The following RBFOX1 variants were observed in gnomAD, a reference collection of about 807,000 sequenced individuals.
RBFOX1 encodes RNA binding protein fox-1 homolog 1.
RBFOX1 carries 8 observed loss-of-function variants against 57.7 expected under a neutral mutation model. The ratio of observed to expected loss-of-function variants is 0.14; its 90% CI spans 0.08 to 0.25. RBFOX1 has a LOEUF of 0.25. Among genes scored for constraint, RBFOX1 ranks in the 10% least tolerant of loss-of-function variants. The probability of loss-of-function intolerance (pLI) is 1.00; values close to 1 mark genes in which losing one functional copy is unlikely to be tolerated. For missense variants in RBFOX1, 611 were observed against 548.5 expected (o/e 1.11, Z -1.14); for synonymous variants, 326 against 222.4 (o/e 1.47, Z -4.15).
intron 4 of RBFOX1, among the ~76,000 whole-genome samples, chr16:7,445,737 T>A (rs2098802879): frequency 6.6e-6 from 1 of 152,210 alleles, no homozygotes; most frequent in Non-Finnish European, 1.5e-5. Context: ...TTGTTTTTGT[T>A]TTGTCTTTTC....
intron 4 of RBFOX1, among the ~76,000 whole-genome samples, chr16:6,006,274 G>T (rs2094926635): frequency 6.6e-6 from 1 of 152,120 alleles, no homozygotes; most frequent in Admixed American, 6.5e-5. Flanking sequence ...TGGTCAGAGG[G>T]CTGCATCCAC....
chr16:5,783,407 A>G (rs966804269), intron 3 of RBFOX1, among the ~76,000 whole-genome samples: 2 of 152,186 alleles, frequency 1.3e-5, no homozygotes, highest in African/African-American at 4.8e-5. Context: ...AAATTTATGT[A>G]TGAGGGTTAT....
At chr16:7,191,106 A>T (rs2085271256) in intron 4 of RBFOX1, among the ~76,000 whole-genome samples, 1 of 152,076 alleles carries the variant, frequency 6.6e-6, no homozygotes, top group South Asian at 2.1e-4. Context: ...GTGATTCCTA[A>T]CCCAGAGGAA....
chr16:5,822,804 C>G (rs924746355), intron 3 of RBFOX1, among the ~76,000 whole-genome samples: 1 of 152,194 alleles, frequency 6.6e-6, no homozygotes, highest in Non-Finnish European at 1.5e-5. Context: ...ACTTTGGAAC[C>G]TAGCTGCCCA....
At chr16:5,569,438 CTTTTTTTTT>C (rs796279138) in intron 2 of RBFOX1, among the ~76,000 whole-genome samples, 3 of 49,208 alleles carry the variant, frequency 6.1e-5, no homozygotes, top group Non-Finnish European at 8.0e-5. Context: ...AAGAAGTAAC[CTTTTTTTTT>C]TTTTTTTTTT....
chr16:7,393,633 A>G (rs142975143), intron 4 of RBFOX1, among the ~76,000 whole-genome samples: 167 of 152,236 alleles, frequency 1.1e-3, no homozygotes, highest in African/African-American at 3.7e-3. Flanking sequence ...GGGGAAACAT[A>G]GCCTCAGCCT....
intron 3 of RBFOX1, among the ~76,000 whole-genome samples, chr16:6,725,154 C>T (rs1201650217): frequency 6.7e-6 from 1 of 149,148 alleles, no homozygotes; most frequent in African/African-American, 2.5e-5. Flanking sequence ...GGGTTCACGC[C>T]ATTCTCCTGC....
chr16:7,267,677 A>C (rs1603462112), intron 4 of RBFOX1, among the ~76,000 whole-genome samples: 1 of 152,154 alleles, frequency 6.6e-6, no homozygotes, highest in Non-Finnish European at 1.5e-5. Context: ...CAACATGGCA[A>C]AACCCCATCT....
At chr16:5,587,323 G>A (rs2046865540) in intron 2 of RBFOX1, among the ~76,000 whole-genome samples, 2 of 152,210 alleles carry the variant, frequency 1.3e-5, no homozygotes, top group South Asian at 4.1e-4. Flanking sequence ...GTAATCACAT[G>A]AAAAGATGCT....
chr16:7,091,555 C>G (rs948839867), intron 4 of RBFOX1, among the ~76,000 whole-genome samples: 2 of 152,104 alleles, frequency 1.3e-5, no homozygotes, highest in Admixed American at 6.5e-5. Context: ...AACGAAAATG[C>G]ATCATTTTTT....
chr16:5,680,587 A>G (rs935374680), intron 3 of RBFOX1, among the ~76,000 whole-genome samples: 2 of 152,214 alleles, frequency 1.3e-5, no homozygotes, highest in East Asian at 1.9e-4. Flanking sequence ...TGTTGGAGGC[A>G]TGGATTTAGC....
In RBFOX1 at chr16:6,142,732, C is replaced by A. The variant is rs111769945; in HGVS notation, c.-127+122740C>A. ...CTCTAATCTCTGGCTTCATCTAGACCAAATTACTGCCTTCTCCTAAATTGT... is the reference window on the plus strand; with the variant it reads ...CTCTAATCTCTGGCTTCATCTAGACAAAATTACTGCCTTCTCCTAAATTGT... On this transcript the variant is annotated intron_variant, in intron 1 of 15. Coordinates refer to ENST00000550418, the MANE Select transcript of RBFOX1 (RefSeq NM_018723.4). Among the ~76,000 whole-genome samples, 72 of 152,262 alleles carry A rather than the reference C, an allele frequency of 4.7e-4. 1 individual carries two copies. Among genetic ancestry groups the A allele is most frequent in the African/African-American group, 1.6e-3 (68 of 41,544 alleles).
chr16:7,324,396 A>G (rs1473368240), intron 4 of RBFOX1, among the ~76,000 whole-genome samples: 1 of 152,080 alleles, frequency 6.6e-6, no homozygotes, highest in African/African-American at 2.4e-5. Flanking sequence ...AAGGCAGAAG[A>G]TGTAGAGAGT....
rs534894840 is a variant in RBFOX1 at position 7,584,567 on chromosome 16, A to G, written c.415-2680A>G. 3.3e-5 allele frequency among the ~76,000 whole-genome samples: 5 copies of G among 152,320 alleles called. No individual in the cohort carries two copies. In the South Asian group the frequency reaches 6.2e-4, roughly 19 times the overall value. On this transcript the variant is annotated intron_variant, in intron 6 of 15. Coordinates refer to ENST00000550418, the MANE Select transcript of RBFOX1 (RefSeq NM_018723.4). ...CAGCCTCCCACAGTGCTGGGATTAC[A>G]GGCATGAGCCACCATGCCTGGCCTG...
At position 6,162,858 on chromosome 16, in the gene RBFOX1, C is replaced by T. The variant is rs113781052; in HGVS notation, c.-127+142866C>T. 3.8e-3 allele frequency among the ~76,000 whole-genome samples: 571 copies of T among 152,200 alleles called. 3 individuals carry two copies. Among genetic ancestry groups the T allele is most frequent in the Middle Eastern group, 0.017 (5 of 294 alleles). On this transcript the variant is annotated intron_variant, in intron 1 of 15. Transcript: ENST00000550418. ...AAGCAATTCTCCTGCTTCACCCAACCGAGTAGCTGGGACTACAGGCGTGCA... is the reference window on the plus strand; with the variant it reads ...AAGCAATTCTCCTGCTTCACCCAACTGAGTAGCTGGGACTACAGGCGTGCA...
intron 2 of RBFOX1, among the ~76,000 whole-genome samples, chr16:6,550,587 A>C (rs2096972308): frequency 6.6e-6 from 1 of 152,160 alleles, no homozygotes; most frequent in African/African-American, 2.4e-5. Flanking sequence ...CAGCCTCCCA[A>C]AGTGCTGGGA....
rs1156762990 is a variant in RBFOX1, at chr16:6,654,623, T to C, written c.-43T>C. 6.6e-7 allele frequency: 1 copy of C among 1,512,628 alleles called. No homozygotes were observed. Among genetic ancestry groups the C allele is most frequent in the East Asian group, 2.5e-5 (1 of 39,710 alleles). The allele number at this position is 1,512,628 out of a possible 1,614,324, so 93.7% of individuals were successfully genotyped here. On this transcript the variant is annotated 5_prime_UTR_variant, in exon 3 of 16. Transcript: ENST00000550418. Reference sequence around the variant, plus strand: ...CTCAGGATATCAAAGCAGACTGCAATACCTGCGTGGAAATAGAAGACAGAA... The same window carrying C: ...CTCAGGATATCAAAGCAGACTGCAACACCTGCGTGGAAATAGAAGACAGAA...
At chr16:7,326,344 G>T (rs1020590477) in intron 4 of RBFOX1, among the ~76,000 whole-genome samples, 30 of 152,148 alleles carry the variant, frequency 2.0e-4, no homozygotes, top group Non-Finnish European at 2.9e-5. Flanking sequence ...AGGAGGTAGT[G>T]CTGGGAAGAC....
intron 4 of RBFOX1, among the ~76,000 whole-genome samples, chr16:7,338,075 G>T (rs2096826624): frequency 6.6e-6 from 1 of 152,168 alleles, no homozygotes; most frequent in South Asian, 2.1e-4. Context: ...AAGTTCCAGG[G>T]TACATGTGCA....
Sources: allele counts gnomAD v4.1 joint callset (sites outside exome capture counted in the v4.1 genomes callset), GRCh38; gene constraint gnomAD v4.1.1; transcripts MANE v1.5; gene names NCBI Gene and HGNC (gene_info 2026-07-23, HGNC 2026-07-21).